MARCHF2: variants seen among roughly 807,000 people sequenced by gnomAD.
MARCHF2 encodes E3 ubiquitin-protein ligase MARCHF2.
In MARCHF2, 22 loss-of-function variants were observed where a neutral mutation model predicts 24.0. The ratio of observed to expected loss-of-function variants is 0.92; its 90% CI spans 0.66 to 1.31. The LOEUF (loss-of-function observed/expected upper bound fraction) is 1.31. Among genes scored for constraint, MARCHF2 ranks in the 50% most tolerant of loss-of-function variants. The pLI is 0.00. For synonymous variants in MARCHF2, 154 were observed against 153.0 expected (o/e 1.01, Z -0.05); for missense variants, 301 against 335.3 (o/e 0.90, Z 0.80).
At chr19:8,424,767 A>ACTCCT (rs1428674121) in intron 2 of MARCHF2, among the ~76,000 whole-genome samples, 1 of 152,104 alleles carries the variant, frequency 6.6e-6, no homozygotes, top group Non-Finnish European at 1.5e-5. Flanking sequence ...CAGCTGCAGG[A>ACTCCT]GCTCCAGGCT....
intron 3 of MARCHF2, 111 bp downstream of exon 3, chr19:8,426,915 C>A: frequency 1.1e-6 from 1 of 928,342 alleles, no homozygotes; most frequent in Non-Finnish European, 1.6e-6. Flanking sequence ...GCAGAACTCC[C>A]TACCGCCCCT....
intron 1 of MARCHF2, among the ~76,000 whole-genome samples, chr19:8,414,423 C>T (rs1353231386): frequency 1.3e-5 from 2 of 152,046 alleles, no homozygotes; most frequent in African/African-American, 2.4e-5. Context: ...CCCCCGCCAC[C>T]GTGCCTGGCC....
intron 4 of MARCHF2, among the ~76,000 whole-genome samples, chr19:8,432,270 G>T (rs1599715091): frequency 1.3e-5 from 2 of 151,874 alleles, no homozygotes; most frequent in South Asian, 4.2e-4. Context: ...AACATCTGCA[G>T]TCCTAGCACA....
chr19:8,433,590 C>T (rs1354509260), intron 4 of MARCHF2, among the ~76,000 whole-genome samples: 2 of 149,498 alleles, frequency 1.3e-5, no homozygotes, highest in Non-Finnish European at 3.0e-5. Context: ...GCAGGAGAAT[C>T]GATTGAACCT....
intron 1 of MARCHF2, among the ~76,000 whole-genome samples, chr19:8,420,423 C>T (rs1158387938): frequency 3.3e-4 from 50 of 150,284 alleles, no homozygotes; most frequent in Non-Finnish European, 1.2e-4. Context: ...GTAGTCCCAG[C>T]TACTTGGGGG....
Position 8,420,982 on chromosome 19 carries a change from A to G in MARCHF2, c.-52-807A>G, listed in dbSNP as rs2145542177. On this transcript the variant is annotated intron_variant, in intron 1 of 4. Transcript: ENST00000215555. ...CTGGCCTAATTTTCTCATTTTTTATAAAGATAGAGTCTTGATGTGTTGCCT... is the reference window on the plus strand; with the variant it reads ...CTGGCCTAATTTTCTCATTTTTTATGAAGATAGAGTCTTGATGTGTTGCCT... Among the ~76,000 whole-genome samples the G allele has an allele frequency of 2.0e-5, 3 of 151,868 alleles. No homozygotes were observed. In the South Asian group the frequency reaches 6.2e-4, roughly 32 times the overall value.
chr19:8,431,497 C>CAAAAAAAAAAAAAAAAAAAAAAAAAG (rs60782968), intron 4 of MARCHF2, among the ~76,000 whole-genome samples: 1 of 57,498 alleles, frequency 1.7e-5, no homozygotes, highest in Admixed American at 2.6e-4. Flanking sequence ...AACTCGATCT[C>CAAAAAAAAAAAAAAAAAAAAAAAAAG]AAAAAAAAAA....
Sources: gnomAD v4.1 joint callset for allele counts (sites outside exome capture counted in the v4.1 genomes callset) on GRCh38, gnomAD v4.1.1 for gene constraint, MANE v1.5 for transcripts, NCBI Gene and HGNC (gene_info 2026-07-23, HGNC 2026-07-21) for gene names.